The following DNAJB9 variants were observed in gnomAD, a reference collection of about 807,000 sequenced individuals.
DNAJB9 encodes DnaJ heat shock protein family (Hsp40) member B9.
In DNAJB9, 12 loss-of-function variants were observed where a neutral mutation model predicts 19.2. That is an observed-to-expected ratio of 0.62 (90% CI 0.40 to 1.01). The LOEUF (loss-of-function observed/expected upper bound fraction) is 1.01. DNAJB9 is among the 50% of genes least tolerant of loss of function. The pLI is 0.00. For synonymous variants in DNAJB9, 83 were observed against 84.0 expected (o/e 0.99, Z 0.07); for missense variants, 272 against 261.1 (o/e 1.04, Z -0.29).
At chr7:108,571,409 G>C (rs1790618791) in intron 1 of DNAJB9, among the ~76,000 whole-genome samples, 1 of 150,362 alleles carries the variant, frequency 6.7e-6, no homozygotes, top group African/African-American at 2.4e-5. Context: ...TTCTTACAAT[G>C]CTTGCATATG....
In DNAJB9 at chr7:108,569,908, G is replaced by A. The variant is rs1047033787; in HGVS notation, c.-206G>A. 9 of 423,986 alleles carry A rather than the reference G, an allele frequency of 2.1e-5. No individual in the cohort carries two copies. The Admixed American group carries it at 3.2e-4, about 15-fold the overall frequency. The allele number at this position is 423,986 out of a possible 1,614,324, so 26.3% of individuals were successfully genotyped here. ...GCGCCAGCGGCTACCTCCTGCCTGT[G>A]AGGAGCTGGCTGAGAGGGGACTGGG... On this transcript the variant is annotated 5_prime_UTR_variant, in exon 1 of 3. Transcript: ENST00000249356.
intron 1 of DNAJB9, among the ~76,000 whole-genome samples, chr7:108,570,642 C>T (rs1039324099): frequency 5.3e-5 from 8 of 152,204 alleles, no homozygotes; most frequent in Non-Finnish European, 8.8e-5. Context: ...ATGGGACACA[C>T]TGTTGTGTTC....
chr7:108,574,031 TG>T lies in DNAJB9; in HGVS notation c.*679del, dbSNP rs1790664830. On this transcript the variant is annotated 3_prime_UTR_variant, in exon 3 of 3. Coordinates refer to ENST00000249356, the MANE Select transcript of DNAJB9 (RefSeq NM_012328.3). ...TTTGGTTCCAGCCTAAAAATGATTT[TG>T]TAGTGTTGAAATCATAGCTACTTAC... 6.6e-6 allele frequency: 1 copy of T among 152,642 alleles called. No individual in the cohort carries two copies. The highest frequency in any genetic ancestry group is 2.1e-4 in the South Asian group (1 of 4,828). The allele number at this position is 152,642 out of a possible 1,614,324, so 9.5% of individuals were successfully genotyped here. A position where few individuals can be genotyped will look rare whatever the true frequency, so the allele number is the denominator to read the frequency against.
intron 1 of DNAJB9, among the ~76,000 whole-genome samples, 184 bp downstream of exon 1, chr7:108,570,287 T>G (rs1348452215): frequency 6.6e-6 from 1 of 151,512 alleles, no homozygotes; most frequent in East Asian, 2.0e-4. Flanking sequence ...GTGTTTTGGG[T>G]TGTGGCGCCG....
rs1790673871 is a variant in DNAJB9 at position 108,574,578 on chromosome 7, T to A, written c.*1225T>A. ...GGTAATTTCTACTGCATTCTTACCATCCTTCTCTCACAAATTTTGATAGCT... is the reference window on the plus strand; with the variant it reads ...GGTAATTTCTACTGCATTCTTACCAACCTTCTCTCACAAATTTTGATAGCT... On this transcript the variant is annotated 3_prime_UTR_variant, in exon 3 of 3. Coordinates refer to ENST00000249356, the MANE Select transcript of DNAJB9 (RefSeq NM_012328.3). 1 of 152,204 alleles carries A rather than the reference T, an allele frequency of 6.6e-6. No individual in the cohort carries two copies. Among genetic ancestry groups the A allele is most frequent in the African/African-American group, 2.4e-5 (1 of 41,460 alleles). The allele number at this position is 152,204 out of a possible 1,614,324, so 9.4% of individuals were successfully genotyped here.
At position 108,573,093 on chromosome 7, in the gene DNAJB9, G is replaced by A. The variant is rs1790644866; in HGVS notation, c.412G>A (p.Glu138Lys). ...NQNTGSKKRF[E>K]NHFQTRQDGG... ...AAACACTGGATCCAAGAAGCGTTTT[G>A]AAAATCATTTCCAGACACGCCAGGA... The change falls in exon 3 of 3, where the codon GAA (glutamate) becomes AAA (lysine). Residue 138 changes from glutamate (E) to lysine (K), a missense_variant. Physicochemically the swap from Glu to Lys is moderately conservative, Grantham distance 56 (BLOSUM62 1). Transcript: ENST00000249356. 1 of 1,613,932 alleles carries A rather than the reference G, an allele frequency of 6.2e-7. No individual in the cohort carries two copies. The highest frequency in any genetic ancestry group is 1.3e-5 in the African/African-American group (1 of 74,910).
rs943676756 is a variant in DNAJB9 at position 108,574,146 on chromosome 7, C to T, written c.*793C>T. 4 of 152,592 alleles carry T rather than the reference C, an allele frequency of 2.6e-5. No individual in the cohort carries two copies. 9.5% of individuals were successfully genotyped at this position (152,592 alleles called of 1,614,324 possible). On this transcript the variant is annotated 3_prime_UTR_variant, in exon 3 of 3. Coordinates refer to ENST00000249356, the MANE Select transcript of DNAJB9 (RefSeq NM_012328.3). The stretch of plus-strand genomic sequence containing the variant: ...TTTGTGTGTGTGTAGTTTATCCTCT[C>T]TCTCATCTTTATCTAGAGATTGACT...
rs139127130 is a variant in DNAJB9 at position 108,570,859 on chromosome 7, A to G, written c.-11+756A>G. On this transcript the variant is annotated intron_variant, in intron 1 of 2. Transcript: ENST00000249356. Reference sequence around the variant, plus strand: ...ACTCTGGTGGTCCCGTATTCAAAAAACAGGATCCATCCCTTCGTTTTGAAT... The same window carrying G: ...ACTCTGGTGGTCCCGTATTCAAAAAGCAGGATCCATCCCTTCGTTTTGAAT... Among the ~76,000 whole-genome samples the G allele has an allele frequency of 1.2e-4, 19 of 152,312 alleles. No individual in the cohort carries two copies. The East Asian group carries it at 3.3e-3, about 26-fold the overall frequency.
chr7:108,570,976 G>C lies in DNAJB9; in HGVS notation c.-10-741G>C, dbSNP rs1210386609. 2.6e-5 allele frequency among the ~76,000 whole-genome samples: 4 copies of C among 152,292 alleles called. No homozygotes were observed. The East Asian group carries it at 7.7e-4, about 29-fold the overall frequency. On this transcript the variant is annotated intron_variant, in intron 1 of 2. Coordinates refer to ENST00000249356, the MANE Select transcript of DNAJB9 (RefSeq NM_012328.3). ...AAGAAATATTTTAACTACTGAGTTT[G>C]TGAAAGTAAGAATCTGCCTTAACCA...
rs953844769 is a variant in DNAJB9 at position 108,574,421 on chromosome 7, T to C, written c.*1068T>C. 2 of 152,440 alleles carry C rather than the reference T, an allele frequency of 1.3e-5. No individual in the cohort carries two copies. Among genetic ancestry groups the C allele is most frequent in the African/African-American group, 4.8e-5 (2 of 41,458 alleles). The allele number at this position is 152,440 out of a possible 1,614,324, so 9.4% of individuals were successfully genotyped here. A position where few individuals can be genotyped will look rare whatever the true frequency, so the allele number is the denominator to read the frequency against. ...AACCTGATATTCGTTGTTGTTTTAT[T>C]GTTAAAAGTTTATTATGCAACTCTG... On this transcript the variant is annotated 3_prime_UTR_variant, in exon 3 of 3. Transcript: ENST00000249356.
Position 108,573,138 on chromosome 7 carries a change from A to C in DNAJB9, c.457A>C (p.Arg153=). Reference sequence around the variant, plus strand: ...CCAGGATGGTGGTTCCAGTAGACAAAGGCATCATTTCCAAGAATTTTCTTT... The same window carrying C: ...CCAGGATGGTGGTTCCAGTAGACAACGGCATCATTTCCAAGAATTTTCTTT... The part of the protein sequence containing the change: ...TRQDGGSSRQ[R]HHFQEFSFGG... The change falls in exon 3 of 3, where the codon AGG becomes CGG. Residue 153 remains arginine (R), a synonymous_variant. Coordinates refer to ENST00000249356, the MANE Select transcript of DNAJB9 (RefSeq NM_012328.3). 1 of 1,614,092 alleles carries C rather than the reference A, an allele frequency of 6.2e-7. No homozygotes were observed. The highest frequency in any genetic ancestry group is 8.5e-7 in the Non-Finnish European group (1 of 1,179,952).
In DNAJB9 at chr7:108,573,230, C is replaced by G. The variant is rs1370153549; in HGVS notation, c.549C>G (p.Asp183Glu). Residue 183 changes from aspartate (D) to glutamate (E), a missense_variant, in exon 3 of 3, where the codon GAC becomes GAG. Transcript: ENST00000249356. ...MEKMFSFSGF[D>E]STNQHTVQTE... ...AAATGTTTTCTTTTAGTGGTTTTGA[C>G]TCTACCAATCAGCATACAGTACAGA... is the stretch of plus-strand genomic sequence containing the variant. 3.1e-6 allele frequency: 5 copies of G among 1,613,880 alleles called. No individual in the cohort carries two copies. The highest frequency in any genetic ancestry group is 4.2e-6 in the Non-Finnish European group (5 of 1,179,908).
At chr7:108,572,488 G>T (rs1301297742) in intron 2 of DNAJB9, among the ~76,000 whole-genome samples, 1 of 152,134 alleles carries the variant, frequency 6.6e-6, no homozygotes, top group South Asian at 2.1e-4. Context: ...GAATTAAACA[G>T]TTTACTTTAG....
chr7:108,571,658 AAGAAAAAC>A, intron 1 of DNAJB9, 51 bp from the exon 2 acceptor site: 1 of 1,446,988 alleles, frequency 6.9e-7, no homozygotes, highest in Non-Finnish European at 9.4e-7. Context: ...TTTCTTTTAA[AAGAAAAAC>A]GTTTTAAGAT....
chr7:108,571,942 A>G lies in DNAJB9; in HGVS notation c.216A>G (p.Glu72=). 1 of 1,613,674 alleles carries G rather than the reference A, an allele frequency of 6.2e-7. No individual in the cohort carries two copies. Among genetic ancestry groups the G allele is most frequent in the Non-Finnish European group, 8.5e-7 (1 of 1,179,588 alleles). ...DAEAKFREIA[E]AYETLSDANR... The stretch of plus-strand genomic sequence containing the variant: ...AAGCAAAATTCAGAGAGATTGCAGA[A>G]GGTAAATAAATGACAATCTCTGAAG... The change falls in exon 2 of 3, where the codon GAA becomes GAG. Residue 72 remains glutamate, a splice_region_variant and synonymous_variant. Transcript: ENST00000249356.
At chr7:108,571,587 C>T (rs1030345595) in intron 1 of DNAJB9, 130 bp from the exon 2 acceptor site, 8 of 688,876 alleles carry the variant, frequency 1.2e-5, no homozygotes, top group African/African-American at 3.6e-5. Context: ...TACATGTGGA[C>T]AGGTAATAGA....
In DNAJB9 at chr7:108,573,493, G is replaced by GT; in HGVS notation, c.*140_*141insT. 1.9e-6 allele frequency: 1 copy of GT among 532,648 alleles called. No individual in the cohort carries two copies. Among genetic ancestry groups the GT allele is most frequent in the Non-Finnish European group, 2.9e-6 (1 of 343,806 alleles). 33.0% of individuals were successfully genotyped at this position (532,648 alleles called of 1,614,324 possible). On this transcript the variant is annotated 3_prime_UTR_variant, in exon 3 of 3. Transcript: ENST00000249356. ...GATATAGCTATTAAATATATTTAAG[G>GT]GTTTTTTTTTTTTGACAAATTCAAC...
intron 2 of DNAJB9, 34 bp downstream of exon 2, chr7:108,571,977 T>C: frequency 6.3e-7 from 1 of 1,596,608 alleles, no homozygotes; most frequent in Non-Finnish European, 8.6e-7. Context: ...GTGTCATGGG[T>C]ATTAACTAGT....
Position 108,573,120 on chromosome 7 carries a change from G to T in DNAJB9, c.439G>T (p.Gly147Cys), listed in dbSNP as rs371348305. The change falls in exon 3 of 3, where the codon GGT (glycine) becomes TGT (cysteine). Residue 147 changes from glycine (G) to cysteine (C), a missense_variant. Gly to Cys is a radical substitution (Grantham distance 159, BLOSUM62 -3). Transcript: ENST00000249356. ...FENHFQTRQD[G>C]GSSRQRHHFQ... ...AAATCATTTCCAGACACGCCAGGATGGTGGTTCCAGTAGACAAAGGCATCA... is the reference window on the plus strand; with the variant it reads ...AAATCATTTCCAGACACGCCAGGATTGTGGTTCCAGTAGACAAAGGCATCA... 1 of 1,613,942 alleles carries T rather than the reference G, an allele frequency of 6.2e-7. No individual in the cohort carries two copies. Among genetic ancestry groups the T allele is most frequent in the Non-Finnish European group, 8.5e-7 (1 of 1,179,948 alleles).
Sources: gnomAD v4.1 joint callset for allele counts (sites outside exome capture counted in the v4.1 genomes callset) on GRCh38, gnomAD v4.1.1 for gene constraint, MANE v1.5 for transcripts, NCBI Gene and HGNC (gene_info 2026-07-23, HGNC 2026-07-21) for gene names.